Variants in ARHGAP32 observed in about 807,000 individuals in gnomAD.
The protein encoded by ARHGAP32 is rho GTPase-activating protein 32.
A neutral mutation model predicts 186.5 loss-of-function variants in ARHGAP32; 51 were observed. That is an observed-to-expected ratio of 0.27 (90% CI 0.22 to 0.35). The LOEUF (loss-of-function observed/expected upper bound fraction) is 0.35, where lower values mean the gene tolerates loss of function less well. Among genes scored for constraint, ARHGAP32 ranks in the 10% least tolerant of loss-of-function variants. ARHGAP32 has a pLI of 1.00. For missense variants in ARHGAP32, 2,186 were observed against 2,623.5 expected (o/e 0.83, Z 3.64); for synonymous variants, 950 against 964.3 (o/e 0.99, Z 0.27).
In ARHGAP32 at chr11:128,968,856, G is replaced by T; in HGVS notation, c.*51C>A. On this transcript the variant is annotated 3_prime_UTR_variant, in exon 23 of 23. Coordinates refer to ENST00000682385, the MANE Select transcript of ARHGAP32 (RefSeq NM_001378024.1). ...ATCTTTTTGGTTATTGAAAAAAATAGAACAGTCCACTGTCCAGCAGAGGCT... is the reference window on the plus strand; with the variant it reads ...ATCTTTTTGGTTATTGAAAAAAATATAACAGTCCACTGTCCAGCAGAGGCT... 7.7e-7 allele frequency: 1 copy of T among 1,291,380 alleles called. No individual in the cohort carries two copies. The highest frequency in any genetic ancestry group is 2.9e-5 in the South Asian group (1 of 34,232). 80.0% of individuals were successfully genotyped at this position (1,291,380 alleles called of 1,614,324 possible).
chr11:129,003,038 T>C (rs1055479505), intron 11 of ARHGAP32, among the ~76,000 whole-genome samples: 22 of 152,260 alleles, frequency 1.4e-4, no homozygotes, highest in African/African-American at 5.3e-4. Context: ...CCTCGTGATC[T>C]GCCCGCCTCG....
intron 6 of ARHGAP32, among the ~76,000 whole-genome samples, chr11:129,088,310 G>A (rs190745816): frequency 1.4e-4 from 22 of 152,166 alleles, no homozygotes; most frequent in Non-Finnish European, 2.6e-4. Flanking sequence ...GGCTGGGCAC[G>A]GTGGCTTACA....
chr11:129,217,988 AC>A (rs1208125775), intron 1 of ARHGAP32, among the ~76,000 whole-genome samples: 1 of 152,162 alleles, frequency 6.6e-6, no homozygotes, highest in Non-Finnish European at 1.5e-5. Context: ...ATTAAGCGTG[AC>A]AATGTACACA....
intron 5 of ARHGAP32, among the ~76,000 whole-genome samples, chr11:129,114,935 A>G (rs1942322439): frequency 6.6e-6 from 1 of 152,140 alleles, no homozygotes; most frequent in African/African-American, 2.4e-5. Flanking sequence ...GGAAATCAGT[A>G]GCATAGAGCA....
chr11:129,150,162 T>C (rs575154766), intron 2 of ARHGAP32, among the ~76,000 whole-genome samples: 12 of 147,814 alleles, frequency 8.1e-5, no homozygotes, highest in African/African-American at 3.0e-4. Context: ...TCCAAGAAAT[T>C]AGGGATTATG....
intron 1 of ARHGAP32, among the ~76,000 whole-genome samples, chr11:129,259,400 C>G (rs1486108675): frequency 6.6e-6 from 1 of 152,014 alleles, no homozygotes; most frequent in Non-Finnish European, 1.5e-5. Context: ...AGAGATGTTA[C>G]TAGTTTTTTG....
intron 6 of ARHGAP32, among the ~76,000 whole-genome samples, chr11:129,073,968 C>A (rs10893970): frequency 0.19 from 28,348 of 152,018 alleles, 2,814 homozygotes; most frequent in Non-Finnish European, 0.21. Context: ...CCCTACCCAG[C>A]AACCTAGAAT....
chr11:128,986,050 C>T lies in ARHGAP32; in HGVS notation c.1479G>A (p.Leu493=). Residue 493 remains leucine (L), a synonymous_variant, in exon 15 of 23, where the codon CTG becomes CTA. Coordinates refer to ENST00000682385, the MANE Select transcript of ARHGAP32 (RefSeq NM_001378024.1). ...AVSAATDEER[L]IKIHDVIQQL... ...GCTGGATGACATCGTGGATTTTTAT[C>T]AGCCTTTCTTCATCTGTTGCTGCTG... 6.2e-7 allele frequency: 1 copy of T among 1,606,988 alleles called. No individual in the cohort carries two copies. Among genetic ancestry groups the T allele is most frequent in the South Asian group, 1.1e-5 (1 of 90,136 alleles).
At chr11:129,008,658 G>GA (rs894293776) in intron 11 of ARHGAP32, among the ~76,000 whole-genome samples, 10 of 151,964 alleles carry the variant, frequency 6.6e-5, no homozygotes, top group African/African-American at 1.2e-4. Flanking sequence ...CAGATTAAAT[G>GA]AAAAAAAATT....
At chr11:129,101,231 TA>T (rs1287858112) in intron 5 of ARHGAP32, among the ~76,000 whole-genome samples, 2 of 152,036 alleles carry the variant, frequency 1.3e-5, no homozygotes, top group African/African-American at 4.8e-5. Flanking sequence ...GCCAGCAACC[TA>T]AAAGACTGTA....
At chr11:129,259,243 A>G (rs1015314477) in intron 1 of ARHGAP32, among the ~76,000 whole-genome samples, 1 of 152,222 alleles carries the variant, frequency 6.6e-6, no homozygotes, top group East Asian at 1.9e-4. Flanking sequence ...TGGAAAGATT[A>G]GTATTGAATA....
At chr11:129,160,465 A>G (rs1391195639) in intron 2 of ARHGAP32, among the ~76,000 whole-genome samples, 1 of 152,220 alleles carries the variant, frequency 6.6e-6, no homozygotes, top group African/African-American at 2.4e-5. Context: ...ATAATAGACA[A>G]ACAGAGAGCC....
In ARHGAP32 at chr11:128,966,608, G is replaced by A. The variant is rs1040117275; in HGVS notation, c.*2299C>T. On this transcript the variant is annotated 3_prime_UTR_variant, in exon 23 of 23. Coordinates refer to ENST00000682385, the MANE Select transcript of ARHGAP32 (RefSeq NM_001378024.1). ...CATTTATTAATAAAGAAATTGTTTC[G>A]AGGAATTAACCCTACTATTTATAAA... 9 of 152,116 alleles carry A rather than the reference G, an allele frequency of 5.9e-5. No individual in the cohort carries two copies. Among genetic ancestry groups the A allele is most frequent in the Non-Finnish European group, 1.0e-4 (7 of 68,034 alleles). 9.4% of individuals were successfully genotyped at this position (152,116 alleles called of 1,614,324 possible). A position where few individuals can be genotyped will look rare whatever the true frequency, so the allele number is the denominator to read the frequency against.
intron 10 of ARHGAP32, among the ~76,000 whole-genome samples, chr11:129,047,146 T>A (rs1565394665): frequency 6.9e-6 from 1 of 145,232 alleles, no homozygotes; most frequent in African/African-American, 2.5e-5. Context: ...AAAAAAAAAA[T>A]TCTCTTCTAT....
intron 2 of ARHGAP32, among the ~76,000 whole-genome samples, chr11:129,134,324 C>A (rs1455286314): frequency 6.6e-6 from 1 of 151,912 alleles, no homozygotes; most frequent in East Asian, 1.9e-4. Flanking sequence ...AAATTTGGTA[C>A]CAAGAACAAG....
intron 6 of ARHGAP32, among the ~76,000 whole-genome samples, chr11:129,086,131 T>C (rs1427501508): frequency 6.6e-6 from 1 of 151,362 alleles, no homozygotes; most frequent in Non-Finnish European, 1.5e-5. Flanking sequence ...CAGACCCATA[T>C]AAAAGTCAAC....
At chr11:129,002,585 T>C (rs1946391492) in intron 11 of ARHGAP32, among the ~76,000 whole-genome samples, 1 of 152,170 alleles carries the variant, frequency 6.6e-6, no homozygotes. Context: ...CCTTTATTTC[T>C]TTCTCTTTTC....
intron 1 of ARHGAP32, among the ~76,000 whole-genome samples, chr11:129,208,251 A>G (rs1944540365): frequency 6.6e-6 from 1 of 152,170 alleles, no homozygotes; most frequent in Non-Finnish European, 1.5e-5. Flanking sequence ...CTAGTCTATT[A>G]AACTTCATTC....
intron 5 of ARHGAP32, among the ~76,000 whole-genome samples, chr11:129,107,609 C>T (rs2135325154): frequency 6.6e-6 from 1 of 152,300 alleles, no homozygotes; most frequent in East Asian, 1.9e-4. Flanking sequence ...TGGCTCACGC[C>T]TGTAATCCCA....
Sources: allele counts gnomAD v4.1 joint callset (sites outside exome capture counted in the v4.1 genomes callset), GRCh38; gene constraint gnomAD v4.1.1; transcripts MANE v1.5; gene names NCBI Gene and HGNC (gene_info 2026-07-23, HGNC 2026-07-21).